Variants in COL6A3 observed in about 807,000 individuals in gnomAD.
COL6A3 encodes the protein collagen type VI alpha 3 chain, also known as collagen alpha-3(VI) chain.
A neutral mutation model predicts 274.1 loss-of-function variants in COL6A3; 137 were observed. The observed-to-expected ratio is 0.50, with a 90% CI of 0.44 to 0.58. The LOEUF (loss-of-function observed/expected upper bound fraction) is 0.58, where lower values mean the gene tolerates loss of function less well. COL6A3 is among the 20% of genes least tolerant of loss of function. The pLI is 0.00. For synonymous variants in COL6A3, 1,650 were observed against 1,650.6 expected (o/e 1.00, Z 0.01); for missense variants, 3,950 against 4,124.9 (o/e 0.96, Z 1.16).
chr2:237,354,176 C>T (rs1282871864), intron 24 of COL6A3, among the ~76,000 whole-genome samples: 4 of 152,138 alleles, frequency 2.6e-5, no homozygotes, highest in South Asian at 2.1e-4. Context: ...TGCACCACCA[C>T]GCCTGGCTAT....
At chr2:237,395,255 T>G in intron 2 of COL6A3, 51 bp from the exon 3 acceptor site, 1 of 1,598,272 alleles carries the variant, frequency 6.3e-7, no homozygotes, top group Non-Finnish European at 8.5e-7. Flanking sequence ...AGCAATTACT[T>G]CCTATCAATG....
Position 237,374,971 on chromosome 2 carries a change from G to C in COL6A3, c.3120C>G (p.Val1040=), listed in dbSNP as rs769776107. ...CTTTCAACAGAGGGAAGCCGCTCCT[G>C]ACGCCCTCAGAGCCATCAAGCAGAA... The part of the protein sequence containing the change: ...VVFLLDGSEG[V]RSGFPLLKEF... Residue 1040 remains valine (V), a synonymous_variant, in exon 8 of 44, where the codon GTC becomes GTG. Transcript: ENST00000295550. This position sits in a 1 kb window ranked among gnomAD's most constrained non-coding sequence, Gnocchi z 4.8. The C allele has an allele frequency of 3.1e-6, 5 of 1,613,910 alleles. No individual in the cohort carries two copies.
intron 1 of COL6A3, among the ~76,000 whole-genome samples, chr2:237,399,024 G>A (rs964121115): frequency 2.6e-5 from 4 of 152,158 alleles, no homozygotes; most frequent in Non-Finnish European, 5.9e-5. Flanking sequence ...AGGAAAAAAT[G>A]GGGGTGCAGA....
chr2:237,360,563 C>T (rs755836677), intron 16 of COL6A3, among the ~76,000 whole-genome samples: 13 of 152,166 alleles, frequency 8.5e-5, no homozygotes, highest in Non-Finnish European at 1.8e-4. Flanking sequence ...CACTGTTCCT[C>T]GTGAGCCCCT....
Position 237,363,276 on chromosome 2 carries a change from C to A in COL6A3, c.6040G>T (p.Asp2014Tyr), listed in dbSNP as rs376548186. Residue 2014 changes from aspartate (D) to tyrosine (Y), a missense_variant, in exon 14 of 44, where the codon GAT becomes TAT. Coordinates refer to ENST00000295550, the MANE Select transcript of COL6A3 (RefSeq NM_004369.4). ...ACAAGCTGCTCCGCTAGTTCATAAT[C>A]CAAGTCCAGCAAGTTAAGCCTCAGG... is the stretch of plus-strand genomic sequence containing the variant. ...RPLRLNLLDLDYELAEQLDNI... is the reference protein window; with the variant it reads ...RPLRLNLLDLYYELAEQLDNI... 22 of 1,613,900 alleles carry A rather than the reference C, an allele frequency of 1.4e-5. No homozygotes were observed. The highest frequency in any genetic ancestry group is 1.9e-5 in the Non-Finnish European group (22 of 1,180,012).
intron 1 of COL6A3, among the ~76,000 whole-genome samples, chr2:237,410,543 G>T (rs747735043): frequency 1.3e-5 from 2 of 151,956 alleles, no homozygotes; most frequent in Non-Finnish European, 2.9e-5. Flanking sequence ...GGGCTCAAGC[G>T]ATCCGCCCAC....
rs1407485905 is a variant in COL6A3 at position 237,366,038 on chromosome 2, G to A, written c.5501-3C>T. On this transcript the variant is annotated splice_polypyrimidine_tract_variant and splice_region_variant and intron_variant, in intron 11 of 43. Transcript: ENST00000295550. The stretch of plus-strand genomic sequence containing the variant: ...CAGAATCACATCCAGATTACAAGCT[G>A]GAAAGGAGAAATGCAGGTGATGAGT... 1.9e-6 allele frequency: 3 copies of A among 1,613,216 alleles called. No individual in the cohort carries two copies. Among genetic ancestry groups the A allele is most frequent in the Admixed American group, 3.3e-5 (2 of 60,020 alleles).
intron 4 of COL6A3, among the ~76,000 whole-genome samples, chr2:237,383,608 T>G (rs559115896): frequency 3.3e-5 from 5 of 152,272 alleles, no homozygotes; most frequent in Admixed American, 3.3e-4. Flanking sequence ...CTACCACTCA[T>G]GTATTTACTA....
chr2:237,397,008 T>G (rs1027625776), intron 1 of COL6A3, among the ~76,000 whole-genome samples, 161 bp from the exon 2 acceptor site: 2 of 124,140 alleles, frequency 1.6e-5, no homozygotes, highest in African/African-American at 6.2e-5. Context: ...TGATAGACAG[T>G]TAGATAGATG....
At chr2:237,405,798 C>T (rs1225646687) in intron 1 of COL6A3, among the ~76,000 whole-genome samples, 31 of 152,222 alleles carry the variant, frequency 2.0e-4, no homozygotes, top group Middle Eastern at 3.4e-3. Context: ...CTCCCCATGC[C>T]TTTTGGGGAA....
intron 1 of COL6A3, among the ~76,000 whole-genome samples, chr2:237,397,773 A>T (rs1180561656): frequency 6.6e-6 from 1 of 152,260 alleles, no homozygotes; most frequent in Non-Finnish European, 1.5e-5. Context: ...CTAATGAATG[A>T]AAAATTTATC....
At position 237,374,388 on chromosome 2, in the gene COL6A3, G is replaced by C; in HGVS notation, c.3679+24C>G. 2.5e-6 allele frequency: 4 copies of C among 1,608,814 alleles called. No homozygotes were observed. The South Asian group carries it at 4.4e-5, about 18-fold the overall frequency. ...AGCCCCAGACAATGACACTGAGTGA[G>C]GATGCAAAGAGTTCCCTGCGTACCT... On this transcript the variant is annotated intron_variant, in intron 8 of 43. Coordinates refer to ENST00000295550, the MANE Select transcript of COL6A3 (RefSeq NM_004369.4). The surrounding 1 kb of genome is among the most constrained non-coding windows in gnomAD (Gnocchi z 4.8).
intron 1 of COL6A3, among the ~76,000 whole-genome samples, chr2:237,404,166 A>G (rs2078665942): frequency 6.6e-6 from 1 of 152,076 alleles, no homozygotes; most frequent in South Asian, 2.1e-4. Context: ...GTTCTTTCCA[A>G]AACAACCTGT....
rs75148159 is a variant in COL6A3 at position 237,366,589 on chromosome 2, G to A, written c.5500+98C>T. ...AAGTAAATGTATGAAGCAACCAAATGCCTAAGGACTCCAGAGGTCAGCACC... is the reference window on the plus strand; with the variant it reads ...AAGTAAATGTATGAAGCAACCAAATACCTAAGGACTCCAGAGGTCAGCACC... On this transcript the variant is annotated intron_variant, in intron 11 of 43. Coordinates refer to ENST00000295550, the MANE Select transcript of COL6A3 (RefSeq NM_004369.4). 0.02 allele frequency: 31,906 copies of A among 1,582,378 alleles called. 407 individuals are homozygous for A. Among genetic ancestry groups the A allele is most frequent in the Middle Eastern group, 0.043 (261 of 6,008 alleles).
At chr2:237,392,638 C>T (rs533569805) in intron 3 of COL6A3, among the ~76,000 whole-genome samples, 1 of 152,398 alleles carries the variant, frequency 6.6e-6, no homozygotes, top group East Asian at 1.9e-4. Flanking sequence ...CATGTGGTTG[C>T]CCACTCATTC....
chr2:237,338,230 A>G (rs1700649234), intron 39 of COL6A3, among the ~76,000 whole-genome samples: 1 of 152,202 alleles, frequency 6.6e-6, no homozygotes, highest in Non-Finnish European at 1.5e-5. Flanking sequence ...GGCCTTGCAC[A>G]CTTGTCTTCT....
intron 28 of COL6A3, 111 bp downstream of exon 28, chr2:237,350,036 C>G: frequency 2.0e-6 from 2 of 1,017,086 alleles, no homozygotes; most frequent in Non-Finnish European, 3.1e-6. Flanking sequence ...AGCCGTATCC[C>G]CAATAATACA....
chr2:237,407,517 C>T lies in COL6A3; in HGVS notation c.-31+6436G>A, dbSNP rs1358715619. ...GACATCCCCTACCAATGCCCTCCCT[C>T]TGTGAATGAGAGCACCTGTAAGAAT... On this transcript the variant is annotated intron_variant, in intron 1 of 43. Coordinates refer to ENST00000295550, the MANE Select transcript of COL6A3 (RefSeq NM_004369.4). This position sits in a 1 kb window ranked among gnomAD's most constrained non-coding sequence, Gnocchi z 4.3. Among the ~76,000 whole-genome samples the T allele has an allele frequency of 6.6e-6, 1 of 152,236 alleles. No individual in the cohort carries two copies. Among genetic ancestry groups the T allele is most frequent in the Non-Finnish European group, 1.5e-5 (1 of 68,046 alleles).
At chr2:237,363,803 A>T (rs561614274) in intron 13 of COL6A3, among the ~76,000 whole-genome samples, 1 of 152,188 alleles carries the variant, frequency 6.6e-6, no homozygotes, top group African/African-American at 2.4e-5. Flanking sequence ...TCTTAGGATA[A>T]ATTACACTTC....
Sources: gnomAD v4.1 joint callset for allele counts (sites outside exome capture counted in the v4.1 genomes callset) on GRCh38, gnomAD v4.1.1 for gene constraint, Gnocchi (gnomAD v3.1) non-coding constraint, MANE v1.5 for transcripts, NCBI Gene and HGNC (gene_info 2026-07-23, HGNC 2026-07-21) for gene names.